The following CTXND1 variants were observed in gnomAD, a reference collection of about 807,000 sequenced individuals.
CTXND1 encodes cortexin domain containing 1.
chr15:80,235,153 C>T lies in CTXND1; in HGVS notation c.-218+16854G>A, dbSNP rs145320982. Among the ~76,000 whole-genome samples, 858 of 152,272 alleles carry T rather than the reference C, an allele frequency of 5.6e-3. 7 individuals carry two copies. The highest frequency in any genetic ancestry group is 0.041 in the Middle Eastern group (12 of 294). The stretch of plus-strand genomic sequence containing the variant: ...CCTTGCGGTAGTTCAGCTACTGAGT[C>T]ACAAGGCAGCCCTCCCAGCCTGGCG... On this transcript the variant is annotated intron_variant, in intron 1 of 2. Coordinates refer to ENST00000560778, the MANE Select transcript of CTXND1 (RefSeq NM_001352888.2).
chr15:80,225,565 C>A (rs982402543), intron 1 of CTXND1, among the ~76,000 whole-genome samples: 8 of 152,278 alleles, frequency 5.3e-5, no homozygotes, highest in Middle Eastern at 3.4e-3. Flanking sequence ...ATCCCTCTGT[C>A]CTTGAGGAAT....
chr15:80,221,506 C>T (rs192196854), intron 1 of CTXND1, among the ~76,000 whole-genome samples: 1 of 152,090 alleles, frequency 6.6e-6, no homozygotes, highest in Non-Finnish European at 1.5e-5. Flanking sequence ...TCACTAGAGC[C>T]GAGGTGTTCC....
chr15:80,232,692 C>T (rs1893444456), intron 1 of CTXND1, among the ~76,000 whole-genome samples: 1 of 152,158 alleles, frequency 6.6e-6, no homozygotes, highest in Non-Finnish European at 1.5e-5. Flanking sequence ...ATAAAACTCT[C>T]CATCTCCCCA....
chr15:80,209,439 G>A (rs1439684788), intron 1 of CTXND1, among the ~76,000 whole-genome samples: 4 of 152,204 alleles, frequency 2.6e-5, no homozygotes, highest in Non-Finnish European at 5.9e-5. Flanking sequence ...GCCTGTACGA[G>A]CCAAGTGCTC....
chr15:80,204,169 A>AAATAT (rs1555443860), intron 1 of CTXND1, among the ~76,000 whole-genome samples: 5 of 65,196 alleles, frequency 7.7e-5, no homozygotes, highest in African/African-American at 3.8e-4. Flanking sequence ...AAAAAAAAAA[A>AAATAT]ATATATATAT....
At chr15:80,221,441 G>C (rs563996847) in intron 1 of CTXND1, among the ~76,000 whole-genome samples, 2 of 152,006 alleles carry the variant, frequency 1.3e-5, no homozygotes, top group South Asian at 4.1e-4. Flanking sequence ...GTTTGGACTC[G>C]ACATGGTGGC....
intron 1 of CTXND1, among the ~76,000 whole-genome samples, chr15:80,242,467 T>C (rs1893580706): frequency 6.6e-6 from 1 of 152,194 alleles, no homozygotes; most frequent in African/African-American, 2.4e-5. Flanking sequence ...GTTTTCTAGA[T>C]TGGGGTATCA....
intron 1 of CTXND1, among the ~76,000 whole-genome samples, chr15:80,242,846 G>A (rs922097995): frequency 6.6e-5 from 10 of 152,122 alleles, no homozygotes; most frequent in Admixed American, 6.5e-4. Context: ...ACTCCCTATG[G>A]CTCAGACCCA....
At chr15:80,242,434 A>G (rs1468590649) in intron 1 of CTXND1, among the ~76,000 whole-genome samples, 2 of 152,186 alleles carry the variant, frequency 1.3e-5, no homozygotes, top group East Asian at 1.9e-4. Context: ...CGCCTCCTCA[A>G]CCAGAATGGC....
intron 1 of CTXND1, among the ~76,000 whole-genome samples, chr15:80,243,802 C>G (rs1893597705): frequency 6.6e-6 from 1 of 152,188 alleles, no homozygotes; most frequent in Non-Finnish European, 1.5e-5. Flanking sequence ...TCTCTGTACC[C>G]TTCTCATGAT....
rs1254227438 is a variant in CTXND1, at chr15:80,198,239, T to C, written c.*3531A>G. ...ACTTTAGAGAGGGCTTGGGGCAACA[T>C]GAAGGGAGTGTAGCTGAGCACAGTA... On this transcript the variant is annotated 3_prime_UTR_variant, in exon 3 of 3. Coordinates refer to ENST00000560778, the MANE Select transcript of CTXND1 (RefSeq NM_001352888.2). 1 of 152,232 alleles carries C rather than the reference T, an allele frequency of 6.6e-6. No homozygotes were observed. Among genetic ancestry groups the C allele is most frequent in the African/African-American group, 2.4e-5 (1 of 41,442 alleles). The allele number at this position is 152,232 out of a possible 1,614,324, so 9.4% of individuals were successfully genotyped here.
At chr15:80,233,333 G>A (rs751455634) in intron 1 of CTXND1, among the ~76,000 whole-genome samples, 3 of 152,140 alleles carry the variant, frequency 2.0e-5, no homozygotes, top group Non-Finnish European at 4.4e-5. Flanking sequence ...GAGTAAATGA[G>A]AATATATTTC....
At chr15:80,249,498 A>T in intron 1 of CTXND1, among the ~76,000 whole-genome samples, 1 of 152,270 alleles carries the variant, frequency 6.6e-6, no homozygotes, top group East Asian at 1.9e-4. Flanking sequence ...AATAAACCTG[A>T]TAATTAAATG....
chr15:80,204,714 G>A (rs1356873119), intron 1 of CTXND1, among the ~76,000 whole-genome samples: 3 of 146,202 alleles, frequency 2.1e-5, no homozygotes. Flanking sequence ...TGGACACTCA[G>A]GTTGTTTTCA....
At chr15:80,206,325 T>C (rs1302000458) in intron 1 of CTXND1, among the ~76,000 whole-genome samples, 1 of 152,224 alleles carries the variant, frequency 6.6e-6, no homozygotes, top group Non-Finnish European at 1.5e-5. Flanking sequence ...TATATACCCT[T>C]GTAGCACTCA....
chr15:80,231,304 G>A (rs1893426242), intron 1 of CTXND1, among the ~76,000 whole-genome samples: 1 of 151,402 alleles, frequency 6.6e-6, no homozygotes. Flanking sequence ...ATCTAAGCTA[G>A]GAGAAGAGAA....
chr15:80,201,701 ACACACGGATG>A lies in CTXND1; in HGVS notation c.*59_*68del, dbSNP rs1174677330. ...CTGTGGGATGGCAGGCTGGCAGGGA[ACACACGGATG>A]CATCCTGGGGCACAGCCACCCACAG... On this transcript the variant is annotated 3_prime_UTR_variant, in exon 3 of 3. Transcript: ENST00000560778. The A allele has an allele frequency of 2.5e-6, 1 of 397,932 alleles. No homozygotes were observed. The highest frequency in any genetic ancestry group is 2.1e-5 in the African/African-American group (1 of 48,624). 24.7% of individuals were successfully genotyped at this position (397,932 alleles called of 1,614,324 possible).
intron 1 of CTXND1, among the ~76,000 whole-genome samples, chr15:80,227,081 T>G (rs1368798902): frequency 1.3e-5 from 2 of 152,212 alleles, no homozygotes; most frequent in African/African-American, 4.8e-5. Context: ...TGTTCAAAAT[T>G]TATTTCTGTT....
chr15:80,212,231 C>T (rs575107499), intron 1 of CTXND1, among the ~76,000 whole-genome samples: 5 of 152,200 alleles, frequency 3.3e-5, no homozygotes, highest in South Asian at 2.1e-4. Flanking sequence ...CCTCCAGTCC[C>T]GTGTCAGTTT....
Sources: gnomAD v4.1 joint callset for allele counts (sites outside exome capture counted in the v4.1 genomes callset) on GRCh38, gnomAD v4.1.1 for gene constraint, MANE v1.5 for transcripts, NCBI Gene and HGNC (gene_info 2026-07-23, HGNC 2026-07-21) for gene names.